GRM8: variants seen among roughly 807,000 people sequenced by gnomAD.
GRM8 encodes the protein metabotropic glutamate receptor 8.
A neutral mutation model predicts 87.2 loss-of-function variants in GRM8; 47 were observed. That is an observed-to-expected ratio of 0.54 (90% CI 0.43 to 0.69). The LOEUF is 0.69. GRM8 is among the 30% of genes least tolerant of loss of function. The probability of loss-of-function intolerance (pLI) is 0.00; values close to 1 mark genes in which losing one functional copy is unlikely to be tolerated. For synonymous variants in GRM8, 396 were observed against 404.5 expected, an observed-to-expected ratio of 0.98 and a Z score of 0.25; for missense variants, 1,019 against 1,139.2, an observed-to-expected ratio of 0.89 and a Z score of 1.52.
chr7:126,588,166 A>G (rs928015557), intron 8 of GRM8, among the ~76,000 whole-genome samples: 6 of 152,220 alleles, frequency 3.9e-5, no homozygotes, highest in African/African-American at 1.4e-4. Flanking sequence ...AAAGCAGTCA[A>G]ATGAGAACTA....
chr7:127,104,742 A>G (rs1825657159), intron 3 of GRM8, among the ~76,000 whole-genome samples: 1 of 152,236 alleles, frequency 6.6e-6, no homozygotes, highest in Admixed American at 6.5e-5. Flanking sequence ...TGACTATGAT[A>G]GAAACAGGAG....
chr7:126,647,211 C>A (rs2151227033), intron 7 of GRM8, among the ~76,000 whole-genome samples: 1 of 152,100 alleles, frequency 6.6e-6, no homozygotes, highest in African/African-American at 2.4e-5. Flanking sequence ...TGCAACACAG[C>A]AAGACCCCCC....
At chr7:127,244,201 C>T (rs1798462859) in intron 1 of GRM8, among the ~76,000 whole-genome samples, 1 of 152,168 alleles carries the variant, frequency 6.6e-6, no homozygotes. Flanking sequence ...TTACCATTGT[C>T]AGGGTTTCCA....
intron 2 of GRM8, among the ~76,000 whole-genome samples, chr7:127,241,682 G>A (rs558526987): frequency 3.0e-4 from 45 of 152,124 alleles, no homozygotes; most frequent in East Asian, 1.2e-3. Flanking sequence ...TGATCCGCCC[G>A]CCTTGGCCTC....
At chr7:127,148,213 A>G (rs1327876061) in intron 2 of GRM8, among the ~76,000 whole-genome samples, 3 of 151,986 alleles carry the variant, frequency 2.0e-5, no homozygotes, top group Non-Finnish European at 4.4e-5. Context: ...GCCCAATCCA[A>G]TCCACCAATT....
intron 3 of GRM8, among the ~76,000 whole-genome samples, chr7:126,927,395 C>T (rs1292495625): frequency 6.6e-6 from 1 of 152,084 alleles, no homozygotes; most frequent in Non-Finnish European, 1.5e-5. Flanking sequence ...ATTCAGCCTC[C>T]AAAAGTGGTG....
At chr7:126,543,825 G>A (rs2150903821) in intron 8 of GRM8, among the ~76,000 whole-genome samples, 1 of 152,324 alleles carries the variant, frequency 6.6e-6, no homozygotes, top group South Asian at 2.1e-4. Flanking sequence ...AGGAAGACCA[G>A]TGGAAAACGA....
At chr7:126,540,996 C>T (rs961091698) in intron 8 of GRM8, among the ~76,000 whole-genome samples, 5 of 152,192 alleles carry the variant, frequency 3.3e-5, no homozygotes, top group Non-Finnish European at 7.3e-5. Context: ...AAGACTCAGT[C>T]CTATAATGCT....
At chr7:126,515,995 A>G (rs1335163508) in intron 9 of GRM8, among the ~76,000 whole-genome samples, 1 of 152,014 alleles carries the variant, frequency 6.6e-6, no homozygotes, top group Non-Finnish European at 1.5e-5. Context: ...GGTCTACTTT[A>G]TATATTTTAT....
chr7:126,773,779 T>G (rs988294415), intron 6 of GRM8, among the ~76,000 whole-genome samples: 1 of 152,102 alleles, frequency 6.6e-6, no homozygotes, highest in African/African-American at 2.4e-5. Flanking sequence ...GAGGATTGCT[T>G]GATGTCAGGA....
chr7:127,052,021 G>C (rs1432389299), intron 3 of GRM8, among the ~76,000 whole-genome samples: 1 of 152,122 alleles, frequency 6.6e-6, no homozygotes, highest in Non-Finnish European at 1.5e-5. Flanking sequence ...TGGGGAGAAA[G>C]GGAATAGTTA....
chr7:127,087,792 A>C (rs919749403), intron 3 of GRM8, among the ~76,000 whole-genome samples: 1 of 152,320 alleles, frequency 6.6e-6, no homozygotes, highest in East Asian at 1.9e-4. Context: ...AAAAATGAAG[A>C]ATCTAAAAAT....
intron 9 of GRM8, among the ~76,000 whole-genome samples, chr7:126,454,640 G>A (rs1209645596): frequency 4.6e-5 from 7 of 151,522 alleles, no homozygotes; most frequent in African/African-American, 1.7e-4. Flanking sequence ...GACTGCATTT[G>A]AAGACGGGGT....
intron 6 of GRM8, among the ~76,000 whole-genome samples, chr7:126,774,576 T>C (rs1249831662): frequency 2.0e-5 from 3 of 152,170 alleles, no homozygotes; most frequent in African/African-American, 7.2e-5. Flanking sequence ...TTGTTTTACA[T>C]CTTCATTAAT....
At chr7:126,720,151 T>A (rs1191871223) in intron 7 of GRM8, among the ~76,000 whole-genome samples, 2 of 123,688 alleles carry the variant, frequency 1.6e-5, no homozygotes, top group Admixed American at 1.6e-4. Context: ...ATTCTCACAA[T>A]TTTTTTTTTT....
intron 2 of GRM8, among the ~76,000 whole-genome samples, chr7:127,221,741 C>A (rs943890958): frequency 7.9e-5 from 12 of 152,178 alleles, no homozygotes; most frequent in Non-Finnish European, 1.8e-4. Flanking sequence ...AGCAAGTATA[C>A]TGGTCCAGGC....
intron 2 of GRM8, among the ~76,000 whole-genome samples, chr7:127,232,697 T>C: frequency 6.6e-6 from 1 of 152,238 alleles, no homozygotes; most frequent in Non-Finnish European, 1.5e-5. Context: ...GATGTAAATA[T>C]CTTCCTCCTC....
Position 126,772,128 on chromosome 7 carries a change from G to A in GRM8, c.1157-2063C>T, listed in dbSNP as rs111348556. 8.6e-3 allele frequency among the ~76,000 whole-genome samples: 1,308 copies of A among 152,150 alleles called. 10 individuals carry two copies. The highest frequency in any genetic ancestry group is 0.029 in the African/African-American group (1,219 of 41,534). ...GGATGGTTACAGCAACCAAATAGACGCTGTTATTTCCGTATAGATTCTAGT... is the reference window on the plus strand; with the variant it reads ...GGATGGTTACAGCAACCAAATAGACACTGTTATTTCCGTATAGATTCTAGT... On this transcript the variant is annotated intron_variant, in intron 6 of 10. Transcript: ENST00000339582.
chr7:126,454,711 T>C (rs1713596511), intron 9 of GRM8, among the ~76,000 whole-genome samples: 1 of 151,564 alleles, frequency 6.6e-6, no homozygotes, highest in African/African-American at 2.4e-5. Context: ...CCCATATGCC[T>C]GATGGGCTTA....
Sources: gnomAD v4.1 joint callset for allele counts (sites outside exome capture counted in the v4.1 genomes callset) on GRCh38, gnomAD v4.1.1 for gene constraint, MANE v1.5 for transcripts, NCBI Gene and HGNC (gene_info 2026-07-23, HGNC 2026-07-21) for gene names.